The following SGK3 variants were observed in gnomAD, a reference collection of about 807,000 sequenced individuals.
The protein encoded by SGK3 is serine/threonine-protein kinase Sgk3.
Under a neutral mutation model 68.5 loss-of-function variants are expected in SGK3, and 47 were observed. The ratio of observed to expected loss-of-function variants is 0.69; its 90% CI spans 0.54 to 0.87. SGK3 has a LOEUF of 0.87. Among genes scored for constraint, SGK3 ranks in the 40% least tolerant of loss-of-function variants. The pLI is 0.00. For missense variants in SGK3, 479 were observed against 575.5 expected (o/e 0.83, Z 1.72); for synonymous variants, 181 against 189.1 (o/e 0.96, Z 0.35).
At chr8:66,756,975 C>G (rs1805996819) in intron 1 of SGK3, among the ~76,000 whole-genome samples, 1 of 152,202 alleles carries the variant, frequency 6.6e-6, no homozygotes, top group African/African-American at 2.4e-5. Flanking sequence ...TTAACCTTAT[C>G]ACGTATAGAT....
chr8:66,847,475 G>A, intron 15 of SGK3, 127 bp downstream of exon 15: 1 of 1,393,598 alleles, frequency 7.2e-7, no homozygotes, highest in South Asian at 1.4e-5. Flanking sequence ...TGGAAAAAAA[G>A]CATACTTGTC....
chr8:66,728,601 A>G (rs1467405350), intron 1 of SGK3, among the ~76,000 whole-genome samples: 1 of 152,180 alleles, frequency 6.6e-6, no homozygotes, highest in Non-Finnish European at 1.5e-5. Flanking sequence ...TGCTGGGATT[A>G]CAGGTGTGAG....
At chr8:66,746,703 G>A (rs1054080689) in intron 1 of SGK3, among the ~76,000 whole-genome samples, 5 of 151,936 alleles carry the variant, frequency 3.3e-5, no homozygotes, top group South Asian at 2.1e-4. Flanking sequence ...ATAGGCACAC[G>A]CCATACTACA....
chr8:66,772,444 G>T (rs1224666667), intron 1 of SGK3, among the ~76,000 whole-genome samples: 1 of 151,560 alleles, frequency 6.6e-6, no homozygotes, highest in Non-Finnish European at 1.5e-5. Context: ...ACCCAGGCTG[G>T]AGTGCAGTGG....
chr8:66,740,375 T>C (rs1230365239), intron 1 of SGK3, among the ~76,000 whole-genome samples: 2 of 152,234 alleles, frequency 1.3e-5, no homozygotes, highest in Non-Finnish European at 2.9e-5. Context: ...TTAAGCATCA[T>C]TGACTTCCTT....
chr8:66,839,950 T>C, intron 10 of SGK3, 53 bp from the exon 11 acceptor site: 1 of 1,490,728 alleles, frequency 6.7e-7, no homozygotes. Context: ...TAATGCTATG[T>C]GTGAATGATC....
At chr8:66,797,485 A>G (rs1469609724) in intron 2 of SGK3, among the ~76,000 whole-genome samples, 3 of 152,210 alleles carry the variant, frequency 2.0e-5, no homozygotes, top group Non-Finnish European at 4.4e-5. Flanking sequence ...CAAAAGGGCC[A>G]GATTACCATC....
chr8:66,785,010 A>G (rs11986740), intron 1 of SGK3, among the ~76,000 whole-genome samples: 4,550 of 152,246 alleles, frequency 0.03, 221 homozygotes, highest in African/African-American at 0.1. Context: ...CCAAGCTCTC[A>G]GTTAGATGTT....
At chr8:66,846,895 G>A (rs892196250) in intron 14 of SGK3, among the ~76,000 whole-genome samples, 2 of 152,118 alleles carry the variant, frequency 1.3e-5, no homozygotes, top group African/African-American at 4.8e-5. Flanking sequence ...CCTATGATAA[G>A]GTTGGTGGTT....
intron 1 of SGK3, among the ~76,000 whole-genome samples, chr8:66,771,155 C>T (rs1806497807): frequency 6.6e-6 from 1 of 152,016 alleles, no homozygotes; most frequent in Non-Finnish European, 1.5e-5. Flanking sequence ...AGTCACTTCA[C>T]ATTTTGAGGA....
rs757488099 is a variant in SGK3, at chr8:66,841,010, C to T, written c.892-14C>T. ...TTATGCATTGTTTTATCTTACTGCC[C>T]CTGTATTTGTCAGGGACATGTTGTC... On this transcript the variant is annotated splice_polypyrimidine_tract_variant and intron_variant, in intron 12 of 16. Coordinates refer to ENST00000521198, the MANE Select transcript of SGK3 (RefSeq NM_001033578.3). The T allele has an allele frequency of 1.3e-6, 2 of 1,559,358 alleles. No homozygotes were observed. Among genetic ancestry groups the T allele is most frequent in the Non-Finnish European group, 1.7e-6 (2 of 1,157,220 alleles).
chr8:66,716,315 G>C (rs1804629087), intron 1 of SGK3, among the ~76,000 whole-genome samples: 3 of 152,136 alleles, frequency 2.0e-5, no homozygotes, highest in African/African-American at 4.8e-5. Flanking sequence ...TCATTGCCGA[G>C]GAAGACAATG....
At chr8:66,726,878 G>C (rs768769160) in intron 1 of SGK3, among the ~76,000 whole-genome samples, 10 of 150,492 alleles carry the variant, frequency 6.6e-5, no homozygotes, top group Non-Finnish European at 1.5e-4. Flanking sequence ...AATATCTTAT[G>C]CTGTTATCTG....
intron 1 of SGK3, among the ~76,000 whole-genome samples, chr8:66,779,568 A>ATATT (rs1806875744): frequency 2.3e-5 from 2 of 87,234 alleles, no homozygotes; most frequent in South Asian, 6.9e-4. Flanking sequence ...GTGAATATAT[A>ATATT]TATATATATA....
intron 14 of SGK3, among the ~76,000 whole-genome samples, chr8:66,844,932 T>G (rs920188462): frequency 2.0e-5 from 3 of 152,204 alleles, no homozygotes; most frequent in African/African-American, 4.8e-5. Flanking sequence ...GAAAACCACT[T>G]TATACCTGAT....
chr8:66,831,332 T>G, intron 8 of SGK3, 21 bp downstream of exon 8: 3 of 1,612,280 alleles, frequency 1.9e-6, no homozygotes, highest in South Asian at 1.1e-5. Flanking sequence ...TTTGTGAGGT[T>G]TTTATTTGGT....
intron 10 of SGK3, among the ~76,000 whole-genome samples, chr8:66,838,974 T>G (rs1277915767): frequency 2.6e-5 from 4 of 152,320 alleles, no homozygotes; most frequent in South Asian, 2.1e-4. Context: ...GAGCCTCAGC[T>G]TCCGATTTCC....
At chr8:66,725,489 AT>A (rs990533653) in intron 1 of SGK3, among the ~76,000 whole-genome samples, 109 of 146,408 alleles carry the variant, frequency 7.4e-4, no homozygotes, top group Admixed American at 7.5e-4. Flanking sequence ...ACTTCTCACT[AT>A]TTTTTTTTTT....
At chr8:66,715,300 C>T (rs550803560) in intron 1 of SGK3, among the ~76,000 whole-genome samples, 2 of 151,908 alleles carry the variant, frequency 1.3e-5, no homozygotes, top group African/African-American at 4.8e-5. Context: ...CTCTGTTGCC[C>T]AGGCTGGAGT....
Sources: allele counts gnomAD v4.1 joint callset (sites outside exome capture counted in the v4.1 genomes callset), GRCh38; gene constraint gnomAD v4.1.1; transcripts MANE v1.5; gene names NCBI Gene and HGNC (gene_info 2026-07-23, HGNC 2026-07-21).